EPM2A: variants seen among roughly 807,000 people sequenced by gnomAD.
The protein encoded by EPM2A is EPM2A glucan phosphatase, laforin, also known as laforin.
A neutral mutation model predicts 26.5 loss-of-function variants in EPM2A; 21 were observed. The observed-to-expected ratio is 0.79, with a 90% CI of 0.56 to 1.14. The LOEUF (loss-of-function observed/expected upper bound fraction) is 1.14, where lower values mean the gene tolerates loss of function less well. Ranked by LOEUF, EPM2A falls within the 50% of genes most tolerant of loss-of-function variation. EPM2A has a pLI of 0.00. For synonymous variants in EPM2A, 217 were observed against 177.6 expected, an observed-to-expected ratio of 1.22 and a Z score of -1.76; for missense variants, 458 against 440.8, an observed-to-expected ratio of 1.04 and a Z score of -0.35.
intron 2 of EPM2A, among the ~76,000 whole-genome samples, chr6:145,549,423 C>T (rs1780625310): frequency 1.3e-5 from 2 of 151,988 alleles, no homozygotes; most frequent in Admixed American, 1.3e-4. Context: ...TGATGTAATC[C>T]TTTGTCAGAA....
rs531330673 is a variant in EPM2A at position 145,735,328 on chromosome 6, C to G, written c.171G>C (p.Pro57=). Reference sequence around the variant, plus strand: ...GCTCCACCTCCCCGAGCCACAGGCCCGGCTCCTGCAGGGCCAGGGCCCCGT... The same window carrying G: ...GCTCCACCTCCCCGAGCCACAGGCCGGGCTCCTGCAGGGCCAGGGCCCCGT... The part of the protein sequence containing the change: ...AGDGALALQE[P]GLWLGEVELA... The change falls in exon 1 of 4, where the codon CCG becomes CCC. Residue 57 remains proline (P), a synonymous_variant. Transcript: ENST00000367519. 8.4e-6 allele frequency: 11 copies of G among 1,304,042 alleles called. No homozygotes were observed. Among genetic ancestry groups the G allele is most frequent in the East Asian group, 9.7e-5 (2 of 20,568 alleles). The allele number at this position is 1,304,042 out of a possible 1,614,324, so 80.8% of individuals were successfully genotyped here.
At chr6:145,402,109 C>T (rs552178601) in intron 4 of EPM2A, among the ~76,000 whole-genome samples, 28 of 152,204 alleles carry the variant, frequency 1.8e-4, no homozygotes, top group Middle Eastern at 3.4e-3. Context: ...TCCCAAAATA[C>T]TTCTTAATTG....
chr6:145,448,142 A>G (rs952159229), intron 4 of EPM2A, among the ~76,000 whole-genome samples: 4 of 152,154 alleles, frequency 2.6e-5, no homozygotes, highest in African/African-American at 9.6e-5. Flanking sequence ...TAAGTGATTA[A>G]TTGAAGTAAA....
intron 2 of EPM2A, among the ~76,000 whole-genome samples, chr6:145,574,035 G>A (rs376277406): frequency 3.3e-5 from 5 of 152,154 alleles, no homozygotes; most frequent in South Asian, 2.1e-4. Flanking sequence ...GGGGAAGTAC[G>A]GGAGAAAGAC....
intron 4 of EPM2A, among the ~76,000 whole-genome samples, chr6:145,453,833 T>A (rs1022416348): frequency 1.3e-5 from 2 of 152,226 alleles, no homozygotes; most frequent in Non-Finnish European, 2.9e-5. Context: ...TAAAAAGCTC[T>A]GAGAATTATT....
At chr6:145,666,089 C>A (rs12524785) in intron 2 of EPM2A, among the ~76,000 whole-genome samples, 4 of 140,606 alleles carry the variant, frequency 2.8e-5, no homozygotes, top group Admixed American at 7.4e-5. Context: ...GAAGCATTCC[C>A]TTTGAAAACT....
intron 2 of EPM2A, among the ~76,000 whole-genome samples, chr6:145,596,989 G>A (rs866670841): frequency 2.3e-3 from 321 of 141,532 alleles, no homozygotes; most frequent in Middle Eastern, 8.0e-3. Context: ...CCGCTTCCCG[G>A]GTTCACGCCA....
At chr6:145,713,355 G>T (rs925383627) in intron 1 of EPM2A, among the ~76,000 whole-genome samples, 9 of 152,118 alleles carry the variant, frequency 5.9e-5, no homozygotes, top group African/African-American at 2.2e-4. Context: ...CAATGAAAAG[G>T]CAAATAAGCC....
At chr6:145,395,582 C>A (rs567046324) in intron 4 of EPM2A, among the ~76,000 whole-genome samples, 7 of 152,264 alleles carry the variant, frequency 4.6e-5, no homozygotes, top group African/African-American at 1.7e-4. Context: ...TCTCACCCTG[C>A]ACCACACTCA....
chr6:145,564,175 T>C (rs1379524646), intron 2 of EPM2A, among the ~76,000 whole-genome samples: 1 of 152,212 alleles, frequency 6.6e-6, no homozygotes, highest in East Asian at 1.9e-4. Context: ...ATATTTTTAA[T>C]CTGCAGTTGA....
At chr6:145,518,463 A>G (rs988409182) in intron 2 of EPM2A, among the ~76,000 whole-genome samples, 3 of 152,106 alleles carry the variant, frequency 2.0e-5, no homozygotes, top group Non-Finnish European at 2.9e-5. Flanking sequence ...ACTCCAGTAC[A>G]GCAGATGTGC....
intron 2 of EPM2A, among the ~76,000 whole-genome samples, chr6:145,512,898 C>T (rs532795109): frequency 6.6e-6 from 1 of 151,958 alleles, no homozygotes; most frequent in Admixed American, 6.6e-5. Context: ...TATCTCTCAC[C>T]ATATACAAAA....
At chr6:145,711,105 A>C (rs942537250) in intron 1 of EPM2A, among the ~76,000 whole-genome samples, 1 of 152,208 alleles carries the variant, frequency 6.6e-6, no homozygotes, top group Admixed American at 6.5e-5. Flanking sequence ...CATGTGCCCT[A>C]AAACTTAAAG....
At chr6:145,704,244 C>T (rs1782091255) in intron 1 of EPM2A, among the ~76,000 whole-genome samples, 1 of 151,928 alleles carries the variant, frequency 6.6e-6, no homozygotes, top group Non-Finnish European at 1.5e-5. Context: ...AAAGGGAGTG[C>T]ATGGGATGAG....
intron 2 of EPM2A, among the ~76,000 whole-genome samples, chr6:145,549,080 C>T (rs910468572): frequency 6.6e-6 from 1 of 152,074 alleles, no homozygotes; most frequent in Non-Finnish European, 1.5e-5. Context: ...TTTTTGGTCT[C>T]TCTTGCTAGT....
At chr6:145,647,475 T>C (rs1306773291) in intron 2 of EPM2A, among the ~76,000 whole-genome samples, 1 of 152,232 alleles carries the variant, frequency 6.6e-6, no homozygotes, top group Non-Finnish European at 1.5e-5. Flanking sequence ...TACATACCTT[T>C]GTAAAGATAT....
intron 2 of EPM2A, among the ~76,000 whole-genome samples, chr6:145,516,219 G>A (rs1439201575): frequency 6.6e-6 from 1 of 152,156 alleles, no homozygotes; most frequent in African/African-American, 2.4e-5. Context: ...GAGAGAGATA[G>A]TGAAGATGGA....
intron 2 of EPM2A, among the ~76,000 whole-genome samples, chr6:145,644,133 T>C (rs1777284490): frequency 6.6e-6 from 1 of 152,336 alleles, no homozygotes; most frequent in Non-Finnish European, 1.5e-5. Context: ...GTTCATAATG[T>C]TCAGCTATAC....
chr6:145,547,318 C>T (rs1157902767), intron 2 of EPM2A, among the ~76,000 whole-genome samples: 3 of 152,120 alleles, frequency 2.0e-5, no homozygotes, highest in Non-Finnish European at 4.4e-5. Context: ...CTACACTAAA[C>T]TAACTCTGGC....
Sources: allele counts gnomAD v4.1 joint callset (sites outside exome capture counted in the v4.1 genomes callset), GRCh38; gene constraint gnomAD v4.1.1; transcripts MANE v1.5; gene names NCBI Gene and HGNC (gene_info 2026-07-23, HGNC 2026-07-21).